The following CDH12 variants were observed in gnomAD, a reference collection of about 807,000 sequenced individuals.
The protein encoded by CDH12 is cadherin 12.
CDH12 carries 41 observed loss-of-function variants against 74.1 expected under a neutral mutation model. The ratio of observed to expected loss-of-function variants is 0.55; its 90% CI spans 0.43 to 0.72. The LOEUF (loss-of-function observed/expected upper bound fraction) is 0.72, where lower values mean the gene tolerates loss of function less well. Ranked by LOEUF, CDH12 falls within the 30% of genes least tolerant of loss-of-function variation. The pLI is 0.00. For missense variants in CDH12, 945 were observed against 977.2 expected, an observed-to-expected ratio of 0.97 and a Z score of 0.44; for synonymous variants, 399 against 355.0, an observed-to-expected ratio of 1.12 and a Z score of -1.39.
chr5:21,766,839 T>A lies in CDH12; in HGVS notation c.1394-1740A>T, dbSNP rs993536759. 2.0e-5 allele frequency among the ~76,000 whole-genome samples: 3 copies of A among 151,886 alleles called. No individual in the cohort carries two copies. The East Asian group carries it at 5.8e-4, about 29-fold the overall frequency. On this transcript the variant is annotated intron_variant, in intron 11 of 14. Transcript: ENST00000382254. ...ATTACAAACATGAACTAATTTAGAC[T>A]TTACAGCAACTATGATATAGGCATT...
chr5:22,132,755 C>T (rs1580300827), intron 4 of CDH12, among the ~76,000 whole-genome samples: 1 of 152,096 alleles, frequency 6.6e-6, no homozygotes, highest in Non-Finnish European at 1.5e-5. Context: ...AGAGAGACCA[C>T]TGAAGGAGTG....
intron 5 of CDH12, among the ~76,000 whole-genome samples, chr5:22,007,059 C>T (rs1737007778): frequency 6.6e-6 from 1 of 151,808 alleles, no homozygotes; most frequent in African/African-American, 2.4e-5. Context: ...ACAGAATTAC[C>T]AACCAGTTGC....
At chr5:22,502,923 T>C (rs974169996) in intron 2 of CDH12, among the ~76,000 whole-genome samples, 2 of 152,130 alleles carry the variant, frequency 1.3e-5, no homozygotes, top group African/African-American at 4.8e-5. Flanking sequence ...ATATCATATA[T>C]CTTTGTGCCT....
chr5:21,776,780 C>T (rs1018691675), intron 11 of CDH12, among the ~76,000 whole-genome samples: 3 of 152,162 alleles, frequency 2.0e-5, no homozygotes, highest in African/African-American at 4.8e-5. Flanking sequence ...TTAGTTAATA[C>T]GTCTTGTGTG....
rs1744082779 is a variant in CDH12 at position 21,751,764 on chromosome 5, CTCT to C, written c.2355_2357del (p.Glu786del). On this transcript the variant is annotated inframe_deletion, in exon 15 of 15. Coordinates refer to ENST00000382254, the MANE Select transcript of CDH12 (RefSeq NM_004061.5). ...AAGTGACTTTATCAGGGTTATAACT[CTCT>C]TCTTCGCCAAACATGTCTGCCAAGA... The C allele has an allele frequency of 1.2e-6, 2 of 1,613,704 alleles. No individual in the cohort carries two copies. The highest frequency in any genetic ancestry group is 1.3e-5 in the African/African-American group (1 of 74,850).
chr5:21,816,624 C>CA (rs542222336), intron 9 of CDH12, among the ~76,000 whole-genome samples: 815 of 17,924 alleles, frequency 0.045, 171 homozygotes, highest in African/African-American at 0.057. Context: ...AACTCCATCT[C>CA]AAAAAAAAAA....
intron 6 of CDH12, among the ~76,000 whole-genome samples, chr5:21,947,656 A>AT (rs1376200247): frequency 6.6e-6 from 1 of 152,142 alleles, no homozygotes; most frequent in Non-Finnish European, 1.5e-5. Flanking sequence ...AGAAAAACCC[A>AT]TTTTTCAGGG....
chr5:22,034,434 T>C (rs1739032040), intron 5 of CDH12, among the ~76,000 whole-genome samples: 2 of 152,198 alleles, frequency 1.3e-5, no homozygotes, highest in Admixed American at 1.3e-4. Flanking sequence ...TATTTTTTTC[T>C]ATATTGTAAG....
Position 22,126,598 on chromosome 5 carries a change from C to T in CDH12, c.-186-47736G>A, listed in dbSNP as rs538906655. ...TAAATATCAGGAAAAGTTTGTTTTA[C>T]TATAGCCATTTCTTGTTCTATTCTA... On this transcript the variant is annotated intron_variant, in intron 4 of 14. Coordinates refer to ENST00000382254, the MANE Select transcript of CDH12 (RefSeq NM_004061.5). Among the ~76,000 whole-genome samples, 10 of 152,296 alleles carry T rather than the reference C, an allele frequency of 6.6e-5. No individual in the cohort carries two copies. In the South Asian group the frequency reaches 1.7e-3, roughly 25 times the overall value.
intron 5 of CDH12, among the ~76,000 whole-genome samples, chr5:22,017,110 T>A (rs924468578): frequency 4.6e-5 from 7 of 152,082 alleles, no homozygotes; most frequent in Non-Finnish European, 7.4e-5. Flanking sequence ...GACCATAGAC[T>A]ACCTTGCTTT....
rs553208651 is a variant in CDH12, at chr5:22,209,483, A to G, written c.-187+3015T>C. On this transcript the variant is annotated intron_variant, in intron 4 of 14. Coordinates refer to ENST00000382254, the MANE Select transcript of CDH12 (RefSeq NM_004061.5). ...TTAACTTCCTTTTAATCGCATTTCAATACAATTAACACTGAATTTATACCT... is the reference window on the plus strand; with the variant it reads ...TTAACTTCCTTTTAATCGCATTTCAGTACAATTAACACTGAATTTATACCT... Among the ~76,000 whole-genome samples, 44 of 152,250 alleles carry G rather than the reference A, an allele frequency of 2.9e-4. No individual in the cohort carries two copies. The East Asian group carries it at 7.0e-3, about 24-fold the overall frequency.
At chr5:22,213,232 T>G (rs1200936922) in intron 3 of CDH12, among the ~76,000 whole-genome samples, 3 of 152,078 alleles carry the variant, frequency 2.0e-5, no homozygotes, top group African/African-American at 7.2e-5. Context: ...TGCAACTCTC[T>G]GAATTTATAA....
intron 1 of CDH12, among the ~76,000 whole-genome samples, chr5:22,810,782 G>T (rs993449365): frequency 5.9e-5 from 9 of 152,028 alleles, no homozygotes; most frequent in African/African-American, 2.2e-4. Context: ...TACTCAGAAG[G>T]CTGAAGCAGA....
intron 1 of CDH12, among the ~76,000 whole-genome samples, chr5:22,546,648 C>A (rs943490908): frequency 6.6e-6 from 1 of 152,078 alleles, no homozygotes; most frequent in African/African-American, 2.4e-5. Context: ...TGTTATGGTA[C>A]AGTCTGACAT....
chr5:22,823,321 C>T (rs964900377), intron 1 of CDH12, among the ~76,000 whole-genome samples: 1 of 152,012 alleles, frequency 6.6e-6, no homozygotes, highest in African/African-American at 2.4e-5. Flanking sequence ...CAGCATGGCA[C>T]ATGTATACAT....
intron 6 of CDH12, among the ~76,000 whole-genome samples, chr5:21,958,280 A>C (rs1178432560): frequency 6.6e-6 from 1 of 152,018 alleles, no homozygotes; most frequent in Non-Finnish European, 1.5e-5. Flanking sequence ...TCTTTATAGC[A>C]GTGTGAAAAT....
chr5:22,011,568 G>A (rs949737515), intron 5 of CDH12, among the ~76,000 whole-genome samples: 3 of 152,116 alleles, frequency 2.0e-5, no homozygotes, highest in African/African-American at 4.8e-5. Flanking sequence ...AGAACACTTA[G>A]AGCCACATGT....
At chr5:22,554,872 C>T (rs1398906618) in intron 1 of CDH12, among the ~76,000 whole-genome samples, 1 of 152,080 alleles carries the variant, frequency 6.6e-6, no homozygotes, top group Non-Finnish European at 1.5e-5. Context: ...TTAAGTAGAG[C>T]TAATTATTGT....
intron 1 of CDH12, among the ~76,000 whole-genome samples, chr5:22,666,302 G>GTTTTTTTTTTTTTTTTTTTT (rs1263204833): frequency 2.3e-5 from 1 of 44,266 alleles, no homozygotes; most frequent in East Asian, 5.3e-4. Context: ...TTTTTTTTTT[G>GTTTTTTTTTTTTTTTTTTTT]TTTTTGAGAC....
Sources: gnomAD v4.1 joint callset for allele counts (sites outside exome capture counted in the v4.1 genomes callset) on GRCh38, gnomAD v4.1.1 for gene constraint, MANE v1.5 for transcripts, NCBI Gene and HGNC (gene_info 2026-07-23, HGNC 2026-07-21) for gene names.